The following LTBP1 variants were observed in gnomAD, a reference collection of about 807,000 sequenced individuals.
LTBP1 encodes the protein latent-transforming growth factor beta-binding protein 1.
A neutral mutation model predicts 207.6 loss-of-function variants in LTBP1; 129 were observed. The observed-to-expected ratio is 0.62, with a 90% CI of 0.54 to 0.72. LTBP1 has a LOEUF of 0.72. Ranked by LOEUF, LTBP1 falls within the 30% of genes least tolerant of loss-of-function variation. LTBP1 has a pLI of 0.00. For synonymous variants in LTBP1, 963 were observed against 833.7 expected, an observed-to-expected ratio of 1.16 and a Z score of -2.67; for missense variants, 2,281 against 2,217.2, an observed-to-expected ratio of 1.03 and a Z score of -0.58.
intron 2 of LTBP1, among the ~76,000 whole-genome samples, chr2:32,981,100 T>A (rs2148717707): frequency 6.6e-6 from 1 of 152,308 alleles, no homozygotes; most frequent in East Asian, 1.9e-4. Flanking sequence ...TTCTTGTACT[T>A]GAATATGGAT....
chr2:33,347,502 C>A lies in LTBP1; in HGVS notation c.3992C>A (p.Thr1331Asn). The change falls in exon 26 of 34, where the codon ACC becomes AAC. Residue 1331 changes from threonine to asparagine, a missense_variant. Physicochemically the swap from Thr to Asn is moderately conservative, Grantham distance 65. Transcript: ENST00000404816. ...ATGACTGGGCAGTGCCGCTCCCGGA[C>A]CTCCACAGGTAAGTCCCAGTGACAC... ...SPMTGQCRSR[T>N]STDLDVDVDQ... The A allele has an allele frequency of 6.2e-7, 1 of 1,614,112 alleles. No homozygotes were observed. Among genetic ancestry groups the A allele is most frequent in the Non-Finnish European group, 8.5e-7 (1 of 1,180,016 alleles).
At chr2:33,098,466 C>T (rs1054714291) in intron 3 of LTBP1, among the ~76,000 whole-genome samples, 5 of 152,096 alleles carry the variant, frequency 3.3e-5, no homozygotes, top group African/African-American at 1.2e-4. Flanking sequence ...CAGAGTCTCA[C>T]TCTGTTGCCC....
chr2:33,115,323 T>C (rs1327203601), intron 4 of LTBP1, among the ~76,000 whole-genome samples: 1 of 152,054 alleles, frequency 6.6e-6, no homozygotes, highest in Non-Finnish European at 1.5e-5. Flanking sequence ...GGAAAGAAGA[T>C]TAGCGGTTGC....
At position 33,384,942 on chromosome 2, in the gene LTBP1, C is replaced by G. The variant is rs576974906; in HGVS notation, c.4712-4242C>G. 2.1e-4 allele frequency among the ~76,000 whole-genome samples: 32 copies of G among 152,248 alleles called. 1 individual carries two copies. The highest frequency in any genetic ancestry group is 7.7e-4 in the African/African-American group (32 of 41,552). On this transcript the variant is annotated intron_variant, in intron 31 of 33. Coordinates refer to ENST00000404816, the MANE Select transcript of LTBP1 (RefSeq NM_206943.4). ...CCTAAAGAGGATGACTTGCCCAAGT[C>G]CTGATATTTCCATTGCTTTCCTGAA...
intron 3 of LTBP1, among the ~76,000 whole-genome samples, chr2:33,030,982 A>G (rs1465753573): frequency 3.3e-5 from 5 of 152,134 alleles, no homozygotes; most frequent in Admixed American, 6.5e-5. Flanking sequence ...ACATGTGCTT[A>G]TAATTTTCTT....
In LTBP1 at chr2:32,963,370, A is replaced by ATT. The variant is rs35409873; in HGVS notation, c.565+14436_565+14437dup. ...CAGATGCATGCCACCATGCCCAGCT[A>ATT]TTTTTTTTTTTTAACTTTTTTGTAG... is the stretch of plus-strand genomic sequence containing the variant. On this transcript the variant is annotated intron_variant, in intron 2 of 33. Coordinates refer to ENST00000404816, the MANE Select transcript of LTBP1 (RefSeq NM_206943.4). 2.0e-3 allele frequency among the ~76,000 whole-genome samples: 293 copies of ATT among 146,504 alleles called. 1 individual carries two copies. Among genetic ancestry groups the ATT allele is most frequent in the African/African-American group, 5.4e-3 (215 of 39,652 alleles).
chr2:33,069,626 C>T (rs1349630016), intron 3 of LTBP1, among the ~76,000 whole-genome samples: 1 of 152,236 alleles, frequency 6.6e-6, no homozygotes, highest in Non-Finnish European at 1.5e-5. Flanking sequence ...CTCATAGACT[C>T]AGGTTCCTAG....
intron 7 of LTBP1, among the ~76,000 whole-genome samples, chr2:33,199,991 G>A: frequency 6.6e-6 from 1 of 152,078 alleles, no homozygotes; most frequent in East Asian, 1.9e-4. Context: ...CAAACAAATG[G>A]AAGAACATTC....
intron 4 of LTBP1, among the ~76,000 whole-genome samples, chr2:33,121,069 T>A (rs189517380): frequency 3.9e-5 from 6 of 152,024 alleles, no homozygotes; most frequent in Admixed American, 1.3e-4. Context: ...AGATCCACTT[T>A]CTGACCACTT....
At chr2:33,328,165 A>G (rs2094451846) in intron 24 of LTBP1, among the ~76,000 whole-genome samples, 1 of 149,790 alleles carries the variant, frequency 6.7e-6, no homozygotes, top group East Asian at 1.9e-4. Flanking sequence ...AAATAAATAA[A>G]TAAAATAAAA....
intron 31 of LTBP1, among the ~76,000 whole-genome samples, chr2:33,377,849 GGAGA>G (rs1389196123): frequency 6.6e-6 from 1 of 152,148 alleles, no homozygotes; most frequent in Non-Finnish European, 1.5e-5. Context: ...CAGGACAGAA[GGAGA>G]GAAAGAGCGA....
At chr2:33,289,485 A>C (rs11685019) in intron 19 of LTBP1, among the ~76,000 whole-genome samples, 4,809 of 152,148 alleles carry the variant, frequency 0.032, 111 homozygotes, top group Non-Finnish European at 0.049. Context: ...TCAGCCTCCC[A>C]AGTAGCTGGG....
chr2:33,157,197 A>G (rs2084044150), intron 5 of LTBP1, among the ~76,000 whole-genome samples: 1 of 152,234 alleles, frequency 6.6e-6, no homozygotes, highest in African/African-American at 2.4e-5. Context: ...GGTGTTTAGA[A>G]CCTAGAGACT....
chr2:33,288,770 G>A (rs1002876593), intron 19 of LTBP1, among the ~76,000 whole-genome samples: 6 of 150,982 alleles, frequency 4.0e-5, no homozygotes, highest in Non-Finnish European at 7.4e-5. Context: ...CAGGAGAATC[G>A]CTTGAACCCA....
At chr2:33,104,650 A>G (rs1485153980) in intron 3 of LTBP1, among the ~76,000 whole-genome samples, 1 of 152,028 alleles carries the variant, frequency 6.6e-6, no homozygotes, top group Non-Finnish European at 1.5e-5. Context: ...TGTCCCTACC[A>G]TTAAGTGTGA....
At chr2:33,237,333 C>T (rs2092098488) in intron 9 of LTBP1, among the ~76,000 whole-genome samples, 1 of 152,168 alleles carries the variant, frequency 6.6e-6, no homozygotes, top group African/African-American at 2.4e-5. Flanking sequence ...TATTTGGCTG[C>T]AGAACCCCTC....
At chr2:33,379,930 C>T (rs779704942) in intron 31 of LTBP1, among the ~76,000 whole-genome samples, 26 of 152,054 alleles carry the variant, frequency 1.7e-4, no homozygotes, top group Non-Finnish European at 2.8e-4. Context: ...GCTTTCTCTG[C>T]TATGAAGCTT....
intron 3 of LTBP1, among the ~76,000 whole-genome samples, chr2:33,069,567 T>G (rs899391008): frequency 3.3e-5 from 5 of 152,202 alleles, no homozygotes; most frequent in African/African-American, 7.2e-5. Flanking sequence ...AAACCCTTGG[T>G]GTGTGTGCAG....
intron 32 of LTBP1, among the ~76,000 whole-genome samples, chr2:33,395,649 A>G (rs1018444162): frequency 6.6e-6 from 1 of 150,908 alleles, no homozygotes; most frequent in African/African-American, 2.4e-5. Flanking sequence ...CACTTTAGTC[A>G]TTGTTGAAAC....
Sources: gnomAD v4.1 joint callset for allele counts (sites outside exome capture counted in the v4.1 genomes callset) on GRCh38, gnomAD v4.1.1 for gene constraint, MANE v1.5 for transcripts, NCBI Gene and HGNC (gene_info 2026-07-23, HGNC 2026-07-21) for gene names.